Variants in ADGRV1 observed in about 807,000 individuals in gnomAD.
The protein encoded by ADGRV1 is G-protein coupled receptor 98.
A neutral mutation model predicts 596.2 loss-of-function variants in ADGRV1; 359 were observed. The ratio of observed to expected loss-of-function variants is 0.60; its 90% CI spans 0.55 to 0.66. ADGRV1 has a LOEUF of 0.66. Ranked by LOEUF, ADGRV1 falls within the 30% of genes least tolerant of loss-of-function variation. The probability of loss-of-function intolerance (pLI) is 0.00; values close to 1 mark genes in which losing one functional copy is unlikely to be tolerated. For synonymous variants in ADGRV1, 2,681 were observed against 2,679.2 expected (o/e 1.00, Z -0.02); for missense variants, 7,274 against 7,575.6 (o/e 0.96, Z 1.48).
At chr5:91,092,105 A>G (rs1790436335) in intron 86 of ADGRV1, among the ~76,000 whole-genome samples, 1 of 152,016 alleles carries the variant, frequency 6.6e-6, no homozygotes, top group Admixed American at 6.6e-5. Flanking sequence ...AGATGCTGAG[A>G]TGTCCTTTTT....
chr5:90,819,741 A>T (rs1763282419), intron 75 of ADGRV1, among the ~76,000 whole-genome samples: 1 of 152,054 alleles, frequency 6.6e-6, no homozygotes, highest in East Asian at 1.9e-4. Context: ...TGAGATTCTT[A>T]ATCCTGAGTT....
chr5:91,041,281 A>G (rs1304792261), intron 85 of ADGRV1, among the ~76,000 whole-genome samples: 1 of 152,222 alleles, frequency 6.6e-6, no homozygotes, highest in Non-Finnish European at 1.5e-5. Flanking sequence ...TGTGGCACAT[A>G]TACACCATGG....
intron 83 of ADGRV1, among the ~76,000 whole-genome samples, chr5:90,945,271 T>G (rs564082603): frequency 6.6e-6 from 1 of 152,196 alleles, no homozygotes; most frequent in Non-Finnish European, 1.5e-5. Context: ...CTGTTCTCTT[T>G]AATATTCTAA....
Position 90,696,593 on chromosome 5 carries a change from G to T in ADGRV1, c.7946-344G>T, listed in dbSNP as rs1580774668. On this transcript the variant is annotated intron_variant, in intron 33 of 89. Transcript: ENST00000405460. ...CCTAAAGGGAGTTGTTTCTAAACAG[G>T]ATATCTTTGGAGCTCTTTTCCTAGC... Among the ~76,000 whole-genome samples, 3 of 152,080 alleles carry T rather than the reference G, an allele frequency of 2.0e-5. No individual in the cohort carries two copies. The South Asian group carries it at 6.2e-4, about 32-fold the overall frequency.
chr5:90,781,529 T>C lies in ADGRV1; in HGVS notation c.13182T>C (p.Asp4394=), dbSNP rs368650208. 6 of 1,611,806 alleles carry C rather than the reference T, an allele frequency of 3.7e-6. No homozygotes were observed. The Middle Eastern group carries it at 5.0e-4, about 135-fold the overall frequency. The change falls in exon 65 of 90, where the codon GAT becomes GAC. Residue 4394 remains aspartate, a synonymous_variant. Transcript: ENST00000405460. ...SIVRIIIMKN[D]NAEGIIEFDP... ...TTCGCATCATAATAATGAAAAATGA[T>C]AACGCAGAAGGCATCATTGAATTTG...
chr5:90,960,676 T>C (rs955512267), intron 83 of ADGRV1, among the ~76,000 whole-genome samples: 6 of 152,124 alleles, frequency 3.9e-5, no homozygotes, highest in Non-Finnish European at 8.8e-5. Context: ...AGTAAGCAGG[T>C]AGAATTTCCA....
Position 90,654,540 on chromosome 5 carries a change from C to G in ADGRV1, c.4378+588C>G, listed in dbSNP as rs146207794. 2.2e-3 allele frequency: 349 copies of G among 156,542 alleles called. 2 individuals are homozygous for G. Among genetic ancestry groups the G allele is most frequent in the African/African-American group, 8.2e-3 (342 of 41,562 alleles). The allele number at this position is 156,542 out of a possible 1,614,324, so 9.7% of individuals were successfully genotyped here. A position where few individuals can be genotyped will look rare whatever the true frequency, so the allele number is the denominator to read the frequency against. On this transcript the variant is annotated intron_variant, in intron 20 of 89. Transcript: ENST00000405460. Reference sequence around the variant, plus strand: ...CTTTAAACTAGATCATATGCTGATTCCTCAAGAAGCACATTTGTGTGTGTG... The same window carrying G: ...CTTTAAACTAGATCATATGCTGATTGCTCAAGAAGCACATTTGTGTGTGTG...
intron 84 of ADGRV1, among the ~76,000 whole-genome samples, chr5:90,968,528 A>G (rs1186508254): frequency 1.3e-5 from 2 of 152,200 alleles, no homozygotes; most frequent in East Asian, 3.9e-4. Flanking sequence ...AGTACCAGTG[A>G]AGTTTAATGT....
chr5:91,139,287 G>GTT (rs1163950791), intron 87 of ADGRV1, among the ~76,000 whole-genome samples: 1 of 152,124 alleles, frequency 6.6e-6, no homozygotes. Context: ...TATATTTAAA[G>GTT]TTTTTGAGTT....
chr5:91,153,374 G>A lies in ADGRV1; in HGVS notation c.18778G>A (p.Asp6260Asn). Residue 6260 changes from aspartate to asparagine, a missense_variant, in exon 89 of 90, where the codon GAT (aspartate) becomes AAT (asparagine). Asp to Asn is a conservative substitution (Grantham distance 23, BLOSUM62 1). Transcript: ENST00000405460. The part of the protein sequence containing the change: ...IADEESQEFD[D>N]LIFALKTGAG... Reference sequence around the variant, plus strand: ...CGATGAGGAGTCCCAGGAGTTTGATGATTTAATATTTGCATTAAAAACTGG... The same window carrying A: ...CGATGAGGAGTCCCAGGAGTTTGATAATTTAATATTTGCATTAAAAACTGG... The A allele has an allele frequency of 6.2e-7, 1 of 1,606,110 alleles. No homozygotes were observed. Among genetic ancestry groups the A allele is most frequent in the Non-Finnish European group, 8.5e-7 (1 of 1,175,864 alleles).
At chr5:90,848,885 T>A in intron 79 of ADGRV1, 64 bp downstream of exon 79, 1 of 1,137,784 alleles carries the variant, frequency 8.8e-7, no homozygotes, top group Non-Finnish European at 1.2e-6. Flanking sequence ...TACAAAGCAA[T>A]ATGTAATGCA....
In ADGRV1 at chr5:90,836,658, G is replaced by A. The variant is rs540432648; in HGVS notation, c.16612-3920G>A. On this transcript the variant is annotated intron_variant, in intron 77 of 89. Coordinates refer to ENST00000405460, the MANE Select transcript of ADGRV1 (RefSeq NM_032119.4). ...GATGAAAATGTTCTGTCTCTTGACT[G>A]TATCAATAACAAAATCCTGGTTGTA... Among the ~76,000 whole-genome samples, 5 of 152,224 alleles carry A rather than the reference G, an allele frequency of 3.3e-5. No individual in the cohort carries two copies. The East Asian group carries it at 9.6e-4, about 29-fold the overall frequency.
intron 50 of ADGRV1, among the ~76,000 whole-genome samples, chr5:90,730,577 C>T (rs147319429): frequency 6.6e-6 from 1 of 152,232 alleles, no homozygotes; most frequent in East Asian, 1.9e-4. Flanking sequence ...GAAACATAAG[C>T]AATATTTTTA....
chr5:91,155,554 G>T (rs1796410578), intron 89 of ADGRV1, among the ~76,000 whole-genome samples: 1 of 152,190 alleles, frequency 6.6e-6, no homozygotes, highest in Admixed American at 6.5e-5. Flanking sequence ...TTGGGCAATT[G>T]CAGAGATTCA....
At chr5:90,705,760 A>G (rs1195227677) in intron 37 of ADGRV1, among the ~76,000 whole-genome samples, 181 bp downstream of exon 37, 2 of 152,238 alleles carry the variant, frequency 1.3e-5, no homozygotes, top group African/African-American at 4.8e-5. Flanking sequence ...ATCTGTTTTC[A>G]CAGAAATGCT....
intron 59 of ADGRV1, among the ~76,000 whole-genome samples, chr5:90,770,141 T>G (rs1304218207): frequency 1.3e-5 from 2 of 152,194 alleles, no homozygotes; most frequent in Non-Finnish European, 2.9e-5. Context: ...CAGTTCCACA[T>G]GGCTGGAGAG....
chr5:90,697,159 T>A lies in ADGRV1; in HGVS notation c.8155+13T>A. On this transcript the variant is annotated intron_variant, in intron 34 of 89. Transcript: ENST00000405460. ...ATAGGTCATGAAGGTGGGTTCCTTT[T>A]TTTGTTAAGCATATTCATTTTCTTT... 1 of 1,604,958 alleles carries A rather than the reference T, an allele frequency of 6.2e-7. No individual in the cohort carries two copies. The highest frequency in any genetic ancestry group is 1.1e-5 in the South Asian group (1 of 89,860).
intron 84 of ADGRV1, among the ~76,000 whole-genome samples, chr5:90,981,046 C>T (rs1780036642): frequency 6.6e-6 from 1 of 152,142 alleles, no homozygotes; most frequent in African/African-American, 2.4e-5. Flanking sequence ...AGGTTTAGGA[C>T]ACACGCCCAT....
chr5:90,837,246 C>T (rs1273342801), intron 77 of ADGRV1, among the ~76,000 whole-genome samples: 1 of 152,084 alleles, frequency 6.6e-6, no homozygotes, highest in African/African-American at 2.4e-5. Context: ...AAACTGATTC[C>T]AAATACTTTC....
Sources: gnomAD v4.1 joint callset for allele counts (sites outside exome capture counted in the v4.1 genomes callset) on GRCh38, gnomAD v4.1.1 for gene constraint, MANE v1.5 for transcripts, NCBI Gene and HGNC (gene_info 2026-07-23, HGNC 2026-07-21) for gene names.